Variants in PPIA observed in about 807,000 individuals in gnomAD.
The protein encoded by PPIA is peptidylprolyl isomerase A, also known as peptidyl-prolyl cis-trans isomerase A.
In PPIA, 2 loss-of-function variants were observed where a neutral mutation model predicts 15.3. That is an observed-to-expected ratio of 0.13 (90% confidence interval 0.05 to 0.41). The LOEUF is 0.41. PPIA is among the 10% of genes least tolerant of loss of function. The pLI is 0.99. For synonymous variants in PPIA, 67 were observed against 73.1 expected (o/e 0.92, Z 0.43); for missense variants, 103 against 210.3 (o/e 0.49, Z 3.16).
chr7:44,796,791 G>A lies in PPIA; in HGVS notation c.67G>A (p.Glu23Lys). 1 of 1,605,718 alleles carries A rather than the reference G, an allele frequency of 6.2e-7. No homozygotes were observed. The highest frequency in any genetic ancestry group is 8.5e-7 in the Non-Finnish European group (1 of 1,176,790). The change falls in exon 1 of 5, where the codon GAG (glutamate) becomes AAG (lysine). Residue 23 changes from glutamate (E) to lysine (K), a missense_variant and splice_region_variant. Coordinates refer to ENST00000468812, the MANE Select transcript of PPIA (RefSeq NM_021130.5). ...DGEPLGRVSF[E>K]LFADKVPKTA... ...CGAGCCCTTGGGCCGCGTCTCCTTT[G>A]AGGTCGGGCGGGCGGCGGCGTGCGG... is the stretch of plus-strand genomic sequence containing the variant.
chr7:44,798,386 G>C (rs913528172), intron 1 of PPIA: 1 of 152,118 alleles, frequency 6.6e-6, no homozygotes, highest in Non-Finnish European at 1.5e-5. Context: ...GGTGGCGCTT[G>C]CCTGTAATCT....
Position 44,799,820 on chromosome 7 carries a change from C to T in PPIA, c.308C>T (p.Ala103Val). Reference sequence around the variant, plus strand: ...CCTGGCATCTTGTCCATGGCAAATGCTGGACCCAACACAAATGGTTCCCAG... The same window carrying T: ...CCTGGCATCTTGTCCATGGCAAATGTTGGACCCAACACAAATGGTTCCCAG... ...TGPGILSMAN[A>V]GPNTNGSQFF... Residue 103 changes from alanine (A) to valine (V), a missense_variant, in exon 4 of 5, where the codon GCT becomes GTT. Physicochemically the swap from Ala to Val is moderately conservative, Grantham distance 64. Coordinates refer to ENST00000468812, the MANE Select transcript of PPIA (RefSeq NM_021130.5). 6.2e-7 allele frequency: 1 copy of T among 1,613,390 alleles called. No homozygotes were observed. Among genetic ancestry groups the T allele is most frequent in the Non-Finnish European group, 8.5e-7 (1 of 1,179,974 alleles).
At position 44,798,997 on chromosome 7, in the gene PPIA, C is replaced by T. The variant is rs892823791; in HGVS notation, c.70-250C>T. 1.6e-5 allele frequency: 19 copies of T among 1,170,282 alleles called. No homozygotes were observed. The African/African-American group carries it at 2.1e-4, about 13-fold the overall frequency. 72.5% of individuals were successfully genotyped at this position (1,170,282 alleles called of 1,614,324 possible). ...GGTGTGATGTACTAAAAGTTTGAGA[C>T]ACTTTCTAGAAGTCTCACTATTTAA... On this transcript the variant is annotated intron_variant, in intron 1 of 4. Transcript: ENST00000468812.
At position 44,799,063 on chromosome 7, in the gene PPIA, C is replaced by A. The variant is rs1792465750; in HGVS notation, c.70-184C>A. 7.3e-6 allele frequency: 8 copies of A among 1,096,840 alleles called. No individual in the cohort carries two copies. In the South Asian group the frequency reaches 1.6e-4, roughly 22 times the overall value. The allele number at this position is 1,096,840 out of a possible 1,614,324, so 67.9% of individuals were successfully genotyped here. The stretch of plus-strand genomic sequence containing the variant: ...GGATTTTTGGCATGTCTTTGGGTTT[C>A]ATGTTTCTTAACCCAACTGCCTGCA... On this transcript the variant is annotated intron_variant, in intron 1 of 4. Coordinates refer to ENST00000468812, the MANE Select transcript of PPIA (RefSeq NM_021130.5).
rs1181166932 is a variant in PPIA at position 44,802,821 on chromosome 7, A to G, written c.*1399A>G. The G allele has an allele frequency of 7.2e-6, 1 of 138,122 alleles. No individual in the cohort carries two copies. Among genetic ancestry groups the G allele is most frequent in the Non-Finnish European group, 1.7e-5 (1 of 58,836 alleles). The allele number at this position is 138,122 out of a possible 1,614,324, so 8.6% of individuals were successfully genotyped here. On this transcript the variant is annotated 3_prime_UTR_variant, in exon 5 of 5. Transcript: ENST00000468812. ...CTTGCTGGCAGTTAGATGTCAGGAC[A>G]ATCTAAGCTGAGAAAACCCCTTCTC...
intron 4 of PPIA, among the ~76,000 whole-genome samples, 183 bp from the exon 5 acceptor site, chr7:44,801,104 A>G (rs1478587812): frequency 6.6e-6 from 1 of 151,902 alleles, no homozygotes; most frequent in Non-Finnish European, 1.5e-5. Flanking sequence ...GGCGTGAGCC[A>G]CCGCACCCGG....
In PPIA at chr7:44,801,347, C is replaced by G. The variant is rs760732465; in HGVS notation, c.423C>G (p.Ala141=). ...AAGAAGGCATGAATATTGTGGAGGCCATGGAGCGCTTTGGGTCCAGGAATG... is the reference window on the plus strand; with the variant it reads ...AAGAAGGCATGAATATTGTGGAGGCGATGGAGCGCTTTGGGTCCAGGAATG... ...KVKEGMNIVE[A]MERFGSRNGK... The change falls in exon 5 of 5, where the codon GCC becomes GCG. Residue 141 remains alanine (A), a synonymous_variant. Coordinates refer to ENST00000468812, the MANE Select transcript of PPIA (RefSeq NM_021130.5). 33 of 1,608,204 alleles carry G rather than the reference C, an allele frequency of 2.1e-5. 1 individual carries two copies. The South Asian group carries it at 3.4e-4, about 17-fold the overall frequency.
chr7:44,801,133 T>C (rs892363732), intron 4 of PPIA, among the ~76,000 whole-genome samples, 154 bp from the exon 5 acceptor site: 2 of 151,760 alleles, frequency 1.3e-5, no homozygotes, highest in Non-Finnish European at 2.9e-5. Context: ...TGTAACTCTT[T>C]AATGGTAATT....
Position 44,799,242 on chromosome 7 carries a change from T to TA in PPIA, c.70-4dup, listed in dbSNP as rs1554332039. On this transcript the variant is annotated splice_region_variant and splice_polypyrimidine_tract_variant and intron_variant, in intron 1 of 4. Coordinates refer to ENST00000468812, the MANE Select transcript of PPIA (RefSeq NM_021130.5). The stretch of plus-strand genomic sequence containing the variant: ...ATGTTAATTAACTGTAATTTTCTCT[T>TA]ACAGCTGTTTGCAGACAAGGTCCCA... 2.5e-6 allele frequency: 4 copies of TA among 1,613,504 alleles called. No individual in the cohort carries two copies. The highest frequency in any genetic ancestry group is 2.2e-5 in the East Asian group (1 of 44,870).
chr7:44,799,281 G>C lies in PPIA; in HGVS notation c.100+4G>C. The C allele has an allele frequency of 6.2e-7, 1 of 1,613,648 alleles. No individual in the cohort carries two copies. The highest frequency in any genetic ancestry group is 8.5e-7 in the Non-Finnish European group (1 of 1,179,808). Reference sequence around the variant, plus strand: ...GACAAGGTCCCAAAGACAGCAGGTTGGTCCATTTTCTAAGTTTAACAAAGA... The same window carrying C: ...GACAAGGTCCCAAAGACAGCAGGTTCGTCCATTTTCTAAGTTTAACAAAGA... On this transcript the variant is annotated splice_donor_region_variant and intron_variant, in intron 2 of 4. Transcript: ENST00000468812.
At chr7:44,798,677 A>G (rs1792455448) in intron 1 of PPIA, 1 of 887,368 alleles carries the variant, frequency 1.1e-6, no homozygotes, top group Non-Finnish European at 1.3e-6. Flanking sequence ...GCCATAACGT[A>G]TTATACATTC....
chr7:44,801,219 T>C (rs1315205159), intron 4 of PPIA, 68 bp from the exon 5 acceptor site: 1 of 1,531,164 alleles, frequency 6.5e-7, no homozygotes, highest in Admixed American at 2.0e-5. Flanking sequence ...TTTCTCGTCT[T>C]GGTTCATGAC....
At position 44,796,998 on chromosome 7, in the gene PPIA, C is replaced by T. The variant is rs1792388950; in HGVS notation, c.69+205C>T. 3.9e-5 allele frequency among the ~76,000 whole-genome samples: 6 copies of T among 152,130 alleles called. No homozygotes were observed. The South Asian group carries it at 1.2e-3, about 31-fold the overall frequency. ...AGGCCGGGACGGCGGCGGACAAAGG[C>T]AGGCGGGGCGGCTGCGAGGCCGTTG... is the stretch of plus-strand genomic sequence containing the variant. On this transcript the variant is annotated intron_variant, in intron 1 of 4. Transcript: ENST00000468812.
rs763033584 is a variant in PPIA at position 44,796,687 on chromosome 7, C to A, written c.-38C>A. 1.0e-5 allele frequency: 16 copies of A among 1,600,884 alleles called. No individual in the cohort carries two copies. The Admixed American group carries it at 2.5e-4, about 25-fold the overall frequency. On this transcript the variant is annotated 5_prime_UTR_variant, in exon 1 of 5. Transcript: ENST00000468812. Reference sequence around the variant, plus strand: ...GGGAGGCCAGGCTCGTGCCGTTTTGCAGACGCCACCGCCGAGGAAAACCGT... The same window carrying A: ...GGGAGGCCAGGCTCGTGCCGTTTTGAAGACGCCACCGCCGAGGAAAACCGT...
At chr7:44,798,703 C>T (rs1424731349) in intron 1 of PPIA, 14 of 971,472 alleles carry the variant, frequency 1.4e-5, no homozygotes, top group African/African-American at 1.1e-4. Context: ...AGGTTCAAAA[C>T]CAGATATACT....
rs1284282396 is a variant in PPIA at position 44,802,617 on chromosome 7, T to G, written c.*1195T>G. The G allele has an allele frequency of 6.6e-6, 1 of 152,172 alleles. No individual in the cohort carries two copies. Among genetic ancestry groups the G allele is most frequent in the Non-Finnish European group, 1.5e-5 (1 of 68,046 alleles). The allele number at this position is 152,172 out of a possible 1,614,324, so 9.4% of individuals were successfully genotyped here. A position where few individuals can be genotyped will look rare whatever the true frequency, so the allele number is the denominator to read the frequency against. On this transcript the variant is annotated 3_prime_UTR_variant, in exon 5 of 5. Coordinates refer to ENST00000468812, the MANE Select transcript of PPIA (RefSeq NM_021130.5). ...TACAGTCAGTCTCCCTGCAGAGGGT[T>G]AAGGCGCAGACTACCTGCAGTGAGG...
Position 44,799,236 on chromosome 7 carries a change from T to G in PPIA, c.70-11T>G, listed in dbSNP as rs1343657992. On this transcript the variant is annotated splice_polypyrimidine_tract_variant and intron_variant, in intron 1 of 4. Coordinates refer to ENST00000468812, the MANE Select transcript of PPIA (RefSeq NM_021130.5). ...AAGCAGATGTTAATTAACTGTAATT[T>G]TCTCTTACAGCTGTTTGCAGACAAG... 2.5e-6 allele frequency: 4 copies of G among 1,612,760 alleles called. No individual in the cohort carries two copies. The highest frequency in any genetic ancestry group is 3.4e-6 in the Non-Finnish European group (4 of 1,179,488).
chr7:44,798,822 C>T (rs1423398291), intron 1 of PPIA: 25 of 995,754 alleles, frequency 2.5e-5, no homozygotes, highest in Non-Finnish European at 3.0e-5. Context: ...GAGGTAGTAG[C>T]ATTTTCATTA....
In PPIA at chr7:44,801,491, C is replaced by G; in HGVS notation, c.*69C>G. The G allele has an allele frequency of 8.1e-7, 1 of 1,230,450 alleles. No individual in the cohort carries two copies. Among genetic ancestry groups the G allele is most frequent in the East Asian group, 2.3e-5 (1 of 42,876 alleles). 76.2% of individuals were successfully genotyped at this position (1,230,450 alleles called of 1,614,324 possible). On this transcript the variant is annotated 3_prime_UTR_variant, in exon 5 of 5. Coordinates refer to ENST00000468812, the MANE Select transcript of PPIA (RefSeq NM_021130.5). ...TAGCTCAGGAGAGCACCCCTCCACC[C>G]CATTTGCTCGCAGTATCCTAGAATC...
Sources: gnomAD v4.1 joint callset for allele counts (sites outside exome capture counted in the v4.1 genomes callset) on GRCh38, gnomAD v4.1.1 for gene constraint, MANE v1.5 for transcripts, NCBI Gene and HGNC (gene_info 2026-07-23, HGNC 2026-07-21) for gene names.